Variants in UNC13C observed in about 807,000 individuals in gnomAD.
The protein encoded by UNC13C is unc-13 homolog C, also known as protein unc-13 homolog C.
UNC13C carries 174 observed loss-of-function variants against 245.4 expected under a neutral mutation model. The ratio of observed to expected loss-of-function variants is 0.71; its 90% CI spans 0.63 to 0.80. The LOEUF is 0.80. Among genes scored for constraint, UNC13C ranks in the 30% least tolerant of loss-of-function variants. The pLI is 0.00. For missense variants in UNC13C, 2,829 were observed against 2,602.9 expected (o/e 1.09, Z -1.89); for synonymous variants, 992 against 895.1 (o/e 1.11, Z -1.93).
Position 54,172,705 on chromosome 15 carries a change from TA to T in UNC13C, c.3071+29022del, listed in dbSNP as rs1431848483. Among the ~76,000 whole-genome samples the T allele has an allele frequency of 1.8e-3, 70 of 39,924 alleles. 1 individual carries two copies. Among genetic ancestry groups the T allele is most frequent in the African/African-American group, 8.9e-3 (41 of 4,612 alleles). The allele number at this position is 39,924 out of a possible 152,430, so 26.2% of individuals were successfully genotyped here. A position where few individuals can be genotyped will look rare whatever the true frequency, so the allele number is the denominator to read the frequency against. On this transcript the variant is annotated intron_variant, in intron 4 of 32. Transcript: ENST00000260323. ...TGACAAAGTCAAATACACACACAGATATATATATATATATATATATATATAT... is the reference window on the plus strand; with the variant it reads ...TGACAAAGTCAAATACACACACAGATTATATATATATATATATATATATAT...
At chr15:54,301,043 A>G (rs35070868) in intron 13 of UNC13C, among the ~76,000 whole-genome samples, 22,802 of 152,142 alleles carry the variant, frequency 0.15, 1,869 homozygotes, top group East Asian at 0.18. Flanking sequence ...TTAGTAATGA[A>G]CAGAAGTATT....
chr15:54,156,830 G>A (rs944512453), intron 4 of UNC13C, among the ~76,000 whole-genome samples: 4 of 108,998 alleles, frequency 3.7e-5, no homozygotes, highest in Non-Finnish European at 5.8e-5. Flanking sequence ...AAATTGATGG[G>A]CAACATAATT....
the UNC13C span, chr15:53,914,853 C>T: frequency 6.6e-6 from 1 of 152,208 alleles, no homozygotes; most frequent in East Asian, 1.9e-4. Flanking sequence ...GTTTATATGA[C>T]CCTCCTCTCC....
At chr15:54,369,545 A>G (rs1369790971) in intron 17 of UNC13C, among the ~76,000 whole-genome samples, 1 of 152,180 alleles carries the variant, frequency 6.6e-6, no homozygotes, top group African/African-American at 2.4e-5. Flanking sequence ...TAAATCCAGA[A>G]GAAAATTCCA....
At chr15:54,377,846 T>C (rs956662108) in intron 17 of UNC13C, among the ~76,000 whole-genome samples, 2 of 152,194 alleles carry the variant, frequency 1.3e-5, no homozygotes, top group African/African-American at 4.8e-5. Flanking sequence ...ATTGCATTGG[T>C]GATTAGGTAT....
the UNC13C span, among the ~76,000 whole-genome samples, chr15:53,902,905 A>G: frequency 0.051 from 7,709 of 152,278 alleles, 266 homozygotes; most frequent in Middle Eastern, 0.14. Flanking sequence ...GATAGACCAG[A>G]TGGAGGAAAA....
intron 4 of UNC13C, among the ~76,000 whole-genome samples, chr15:54,178,985 T>G (rs2033708238): frequency 6.6e-6 from 1 of 152,212 alleles, no homozygotes; most frequent in Non-Finnish European, 1.5e-5. Context: ...AAAGGCTGAC[T>G]GAATTTTCAT....
chr15:54,280,673 T>C (rs571304951), intron 10 of UNC13C, among the ~76,000 whole-genome samples: 1 of 93,668 alleles, frequency 1.1e-5, no homozygotes, highest in South Asian at 2.9e-4. Context: ...TACATACATA[T>C]ACATATATAC....
At chr15:53,954,030 A>T in the UNC13C span, among the ~76,000 whole-genome samples, 1 of 152,206 alleles carries the variant, frequency 6.6e-6, no homozygotes, top group South Asian at 2.1e-4. Context: ...ACAGCTTTTC[A>T]TATCCTCCTT....
At chr15:54,366,411 A>C (rs2039366576) in intron 17 of UNC13C, among the ~76,000 whole-genome samples, 1 of 152,154 alleles carries the variant, frequency 6.6e-6, no homozygotes, top group South Asian at 2.1e-4. Flanking sequence ...CCAATTTTAA[A>C]TCCCCAGGAA....
At chr15:54,594,815 C>A (rs2681960) in intron 30 of UNC13C, among the ~76,000 whole-genome samples, 7,848 of 152,204 alleles carry the variant, frequency 0.052, 684 homozygotes, top group African/African-American at 0.18. Context: ...GGAAACCAGC[C>A]CCACACCACC....
At chr15:53,969,274 G>A in the UNC13C span, among the ~76,000 whole-genome samples, 18 of 152,192 alleles carry the variant, frequency 1.2e-4, no homozygotes, top group East Asian at 3.3e-3. Context: ...AACACCACAG[G>A]GCAGCCCTGG....
intron 30 of UNC13C, among the ~76,000 whole-genome samples, chr15:54,590,237 T>G (rs942417950): frequency 2.0e-5 from 3 of 152,248 alleles, no homozygotes; most frequent in African/African-American, 7.2e-5. Flanking sequence ...CCTCCAGATT[T>G]GTTCTTTTTC....
chr15:54,601,473 A>AATAGTT (rs908694127), intron 30 of UNC13C, among the ~76,000 whole-genome samples: 1 of 152,332 alleles, frequency 6.6e-6, no homozygotes, highest in Admixed American at 6.5e-5. Flanking sequence ...GTAGGATCTG[A>AATAGTT]ATAGTTACCA....
chr15:54,455,205 C>CTCTCTCTCTCTCTCTCTCTA (rs1388065398), intron 19 of UNC13C, among the ~76,000 whole-genome samples: 1 of 18,962 alleles, frequency 5.3e-5, no homozygotes, highest in Non-Finnish European at 9.2e-5. Flanking sequence ...CTCTCTCTCT[C>CTCTCTCTCTCTCTCTCTCTA]TATATATATA....
chr15:54,329,109 T>C (rs1239417042), intron 14 of UNC13C, among the ~76,000 whole-genome samples: 1 of 146,096 alleles, frequency 6.8e-6, no homozygotes, highest in Non-Finnish European at 1.5e-5. Flanking sequence ...TTTGCTTGGA[T>C]TTACCTTTTA....
At chr15:54,143,152 G>C in intron 3 of UNC13C, 112 bp downstream of exon 3, 1 of 1,013,668 alleles carries the variant, frequency 9.9e-7, no homozygotes, top group Non-Finnish European at 1.5e-6. Flanking sequence ...AAATGTGCAT[G>C]TTATCCCAGC....
chr15:54,227,262 G>T (rs541993827), intron 4 of UNC13C, among the ~76,000 whole-genome samples: 1 of 152,098 alleles, frequency 6.6e-6, no homozygotes, highest in African/African-American at 2.4e-5. Context: ...GGATGGCCAC[G>T]GGCGGGCCTG....
the UNC13C span, among the ~76,000 whole-genome samples, chr15:53,904,995 C>T: frequency 6.6e-6 from 1 of 151,926 alleles, no homozygotes; most frequent in Non-Finnish European, 1.5e-5. Flanking sequence ...ATTCCAAGGG[C>T]CTTGGAATTG....
Sources: gnomAD v4.1 joint callset for allele counts (sites outside exome capture counted in the v4.1 genomes callset) on GRCh38, gnomAD v4.1.1 for gene constraint, MANE v1.5 for transcripts, NCBI Gene and HGNC (gene_info 2026-07-23, HGNC 2026-07-21) for gene names.